Variants in VPS36 observed in about 807,000 individuals in gnomAD.
VPS36 encodes vacuolar protein sorting 36 homolog, also known as vacuolar protein-sorting-associated protein 36.
A neutral mutation model predicts 63.5 loss-of-function variants in VPS36; 31 were observed. That is an observed-to-expected ratio of 0.49 (90% CI 0.37 to 0.66). The LOEUF (loss-of-function observed/expected upper bound fraction) is 0.66, where lower values mean the gene tolerates loss of function less well. Ranked by LOEUF, VPS36 falls within the 30% of genes least tolerant of loss-of-function variation. The pLI is 0.00. For missense variants in VPS36, 338 were observed against 463.7 expected (o/e 0.73, Z 2.49); for synonymous variants, 138 against 157.2 (o/e 0.88, Z 0.91).
chr13:52,415,838 G>A lies in VPS36; in HGVS notation c.1153C>T (p.Gln385Ter). 6.2e-7 allele frequency: 1 copy of A among 1,614,036 alleles called. No individual in the cohort carries two copies. Among genetic ancestry groups the A allele is most frequent in the Non-Finnish European group, 8.5e-7 (1 of 1,179,986 alleles). ...TTTTAAATACAAAACCCTTAGCTCT[G>A]TGTCATAAATAAATTTGGGTAAAAA... ...LRFYPNLFMT[Q>*]S The change falls in exon 14 of 14, where the codon CAG becomes TAG. Residue 385 changes from glutamine (Q) to a stop codon, truncating the protein, a stop_gained. Transcript: ENST00000378060. LOFTEE classifies it high-confidence loss of function.
At chr13:52,416,740 T>C (rs980635329) in intron 12 of VPS36, among the ~76,000 whole-genome samples, 1 of 152,244 alleles carries the variant, frequency 6.6e-6, no homozygotes, top group Non-Finnish European at 1.5e-5. Context: ...CAAAGTTTAA[T>C]TGTGTTGTAA....
chr13:52,433,225 G>A (rs929892495), intron 6 of VPS36, among the ~76,000 whole-genome samples: 2 of 152,160 alleles, frequency 1.3e-5, no homozygotes, highest in African/African-American at 2.4e-5. Context: ...GCTTTGAGCC[G>A]TTCTTACTGA....
At chr13:52,429,063 A>C (rs1487141664) in intron 6 of VPS36, among the ~76,000 whole-genome samples, 1 of 152,110 alleles carries the variant, frequency 6.6e-6, no homozygotes, top group East Asian at 1.9e-4. Context: ...TAAAAATTAA[A>C]GCAAAAGAGA....
chr13:52,438,637 G>A (rs1041900226), intron 3 of VPS36, among the ~76,000 whole-genome samples: 2 of 152,198 alleles, frequency 1.3e-5, no homozygotes, highest in Admixed American at 1.3e-4. Flanking sequence ...ATCTCCTGGT[G>A]TGCCTGGGAT....
chr13:52,444,471 T>G (rs1393088418), intron 1 of VPS36, among the ~76,000 whole-genome samples: 1 of 147,804 alleles, frequency 6.8e-6, no homozygotes, highest in Non-Finnish European at 1.5e-5. Flanking sequence ...AAAATACATA[T>G]ATATACATTT....
chr13:52,445,188 T>C (rs559285450), intron 1 of VPS36, among the ~76,000 whole-genome samples: 6 of 152,332 alleles, frequency 3.9e-5, no homozygotes, highest in African/African-American at 1.4e-4. Context: ...AAATAAAACA[T>C]ATGTACTTCT....
intron 6 of VPS36, 114 bp downstream of exon 6, chr13:52,433,548 G>T: frequency 1.1e-6 from 1 of 886,870 alleles, no homozygotes; most frequent in Non-Finnish European, 1.7e-6. Context: ...AGACTATGTA[G>T]CTTCAGGCAA....
intron 5 of VPS36, among the ~76,000 whole-genome samples, chr13:52,433,958 A>C (rs1566087198): frequency 6.6e-6 from 1 of 152,224 alleles, no homozygotes; most frequent in Non-Finnish European, 1.5e-5. Flanking sequence ...GAAAAACCAA[A>C]TATACAATAA....
intron 4 of VPS36, among the ~76,000 whole-genome samples, chr13:52,435,489 A>G (rs978799755): frequency 5.9e-5 from 9 of 152,204 alleles, no homozygotes; most frequent in African/African-American, 2.2e-4. Context: ...ACTTTAAACA[A>G]TCCTGTGTAT....
intron 6 of VPS36, among the ~76,000 whole-genome samples, chr13:52,432,520 A>C (rs1958170301): frequency 6.6e-6 from 1 of 152,260 alleles, no homozygotes; most frequent in Non-Finnish European, 1.5e-5. Flanking sequence ...TTTCTTTAAA[A>C]AGTATTCCAA....
At chr13:52,418,378 C>T (rs192581131) in intron 10 of VPS36, among the ~76,000 whole-genome samples, 43 of 151,746 alleles carry the variant, frequency 2.8e-4, no homozygotes, top group Admixed American at 7.2e-4. Context: ...AATTCGAGAC[C>T]GGCCTGGCCA....
intron 6 of VPS36, among the ~76,000 whole-genome samples, chr13:52,432,136 G>C (rs532746932): frequency 6.6e-6 from 1 of 152,238 alleles, no homozygotes; most frequent in South Asian, 2.1e-4. Context: ...CGGATCACGA[G>C]GTCAGAAGAT....
intron 10 of VPS36, among the ~76,000 whole-genome samples, chr13:52,418,636 G>C (rs966015045): frequency 3.4e-5 from 5 of 147,790 alleles, no homozygotes; most frequent in African/African-American, 1.2e-4. Context: ...TAATTTTAAT[G>C]CATATATTTT....
chr13:52,434,765 C>G, intron 5 of VPS36, 28 bp downstream of exon 5: 1 of 1,590,244 alleles, frequency 6.3e-7, no homozygotes, highest in Non-Finnish European at 8.6e-7. Context: ...GTTGAAAATA[C>G]TGGATTAGCA....
rs1347230171 is a variant in VPS36 at position 52,450,492 on chromosome 13, G to A, written c.96+7C>T. On this transcript the variant is annotated splice_region_variant and intron_variant, in intron 1 of 13. Transcript: ENST00000378060. The stretch of plus-strand genomic sequence containing the variant: ...CAGCCCGTTGGGAAGGTTGGCAGAC[G>A]CCCTACCTTCTCCTCGCCATCGTAG... 2.1e-5 allele frequency: 34 copies of A among 1,589,012 alleles called. No homozygotes were observed. Among genetic ancestry groups the A allele is most frequent in the African/African-American group, 2.8e-5 (2 of 72,082 alleles).
Position 52,415,915 on chromosome 13 carries a change from A to C in VPS36, c.1076T>G (p.Leu359Arg), listed in dbSNP as rs1295141591. The change falls in exon 14 of 14, where the codon CTT (leucine) becomes CGT (arginine). Residue 359 changes from leucine (L) to arginine (R), a missense_variant. Coordinates refer to ENST00000378060, the MANE Select transcript of VPS36 (RefSeq NM_016075.4). ...SVLLAKERLL[L>R]AEKMGHLCRD... ...GCAAAGATGGCCCATCTTCTCTGCA[A>C]GCAGCAACCTAAAAAAAAACAACAA... 6.2e-7 allele frequency: 1 copy of C among 1,613,894 alleles called. No homozygotes were observed. Among genetic ancestry groups the C allele is most frequent in the African/African-American group, 1.3e-5 (1 of 74,874 alleles).
chr13:52,418,117 G>A (rs938309683), intron 10 of VPS36, 61 bp from the exon 11 acceptor site: 2 of 1,395,612 alleles, frequency 1.4e-6, no homozygotes, highest in South Asian at 1.3e-5. Flanking sequence ...AAACAGAAGA[G>A]TATATTTTAA....
At chr13:52,450,172 G>A (rs1391039456) in intron 1 of VPS36, 2 of 1,014,146 alleles carry the variant, frequency 2.0e-6, no homozygotes, top group Non-Finnish European at 2.4e-6. Context: ...GCCCGCAGAC[G>A]GCGAGCGCTC....
intron 11 of VPS36, among the ~76,000 whole-genome samples, 181 bp from the exon 12 acceptor site, chr13:52,417,322 T>C (rs1958003514): frequency 6.6e-6 from 1 of 152,206 alleles, no homozygotes. Context: ...AATACACAGA[T>C]AATAAAATTA....
Sources: allele counts gnomAD v4.1 joint callset (sites outside exome capture counted in the v4.1 genomes callset), GRCh38; gene constraint gnomAD v4.1.1; transcripts MANE v1.5; gene names NCBI Gene and HGNC (gene_info 2026-07-23, HGNC 2026-07-21).